The following OTOG variants were observed in gnomAD, a reference collection of about 807,000 sequenced individuals.
The protein encoded by OTOG is otogelin.
OTOG carries 296 observed loss-of-function variants against 313.8 expected under a neutral mutation model. The ratio of observed to expected loss-of-function variants is 0.94; its 90% CI spans 0.86 to 1.04. The LOEUF is 1.04. Ranked by LOEUF, OTOG falls within the 50% of genes least tolerant of loss-of-function variation. OTOG has a pLI of 0.00. For missense variants in OTOG, 3,948 were observed against 3,840.1 expected (o/e 1.03, Z -0.74); for synonymous variants, 1,533 against 1,554.9 (o/e 0.99, Z 0.33).
rs1450284027 is a variant in OTOG, at chr11:17,640,794, T to C, written c.7985T>C (p.Val2662Ala). 6.5e-7 allele frequency: 1 copy of C among 1,550,300 alleles called. No homozygotes were observed. The highest frequency in any genetic ancestry group is 8.7e-7 in the Non-Finnish European group (1 of 1,146,992). Reference sequence around the variant, plus strand: ...GAGTTCATGCACAGCGTGGAGAATGTGTGTGGCTGCGCCAAGTACGAGTGT... The same window carrying C: ...GAGTTCATGCACAGCGTGGAGAATGCGTGTGGCTGCGCCAAGTACGAGTGT... ...DEEFMHSVEN[V>A]CGCAKYECVK... Residue 2662 changes from valine to alanine, a missense_variant, in exon 50 of 56, where the codon GTG becomes GCG. Coordinates refer to ENST00000399397, the MANE Select transcript of OTOG (RefSeq NM_001292063.2).
intron 17 of OTOG, 67 bp from the exon 18 acceptor site, chr11:17,572,013 C>T (rs1340801122): frequency 6.5e-7 from 1 of 1,541,988 alleles, no homozygotes; most frequent in African/African-American, 1.4e-5. Flanking sequence ...TTACCTGGAT[C>T]TATGCTATTT....
intron 17 of OTOG, among the ~76,000 whole-genome samples, chr11:17,571,573 C>T (rs1350483393): frequency 2.6e-5 from 4 of 152,174 alleles, no homozygotes; most frequent in Non-Finnish European, 4.4e-5. Context: ...AGGAATTGCC[C>T]ATGGAGAAAG....
chr11:17,595,237 A>G (rs1853063971), intron 28 of OTOG, among the ~76,000 whole-genome samples: 1 of 152,102 alleles, frequency 6.6e-6, no homozygotes, highest in Non-Finnish European at 1.5e-5. Context: ...CCCCCATTTT[A>G]GAGAAGCTCA....
Position 17,611,020 on chromosome 11 carries a change from C to T in OTOG, c.5720C>T (p.Thr1907Ile), listed in dbSNP as rs2134092151. The T allele has an allele frequency of 6.4e-7, 1 of 1,550,582 alleles. No homozygotes were observed. ...TCTGTTGTCCCACGAAAGAGCACCA[C>T]AGGGAAGGTGGCCATCCTATCCAAG... Reference protein sequence around the residue: ...MVSVVPRKSTTGKVAILSKQV... With the variant: ...MVSVVPRKSTIGKVAILSKQV... The change falls in exon 36 of 56, where the codon ACA becomes ATA. Residue 1907 changes from threonine (T) to isoleucine (I), a missense_variant. Transcript: ENST00000399397.
intron 15 of OTOG, among the ~76,000 whole-genome samples, chr11:17,568,215 T>A (rs1852330982): frequency 6.6e-6 from 1 of 152,204 alleles, no homozygotes; most frequent in African/African-American, 2.4e-5. Context: ...CCAGTAACAC[T>A]TTCTTAATCA....
chr11:17,643,688 T>C (rs964388630), intron 54 of OTOG, among the ~76,000 whole-genome samples, 182 bp downstream of exon 54: 2 of 152,234 alleles, frequency 1.3e-5, no homozygotes, highest in Admixed American at 1.3e-4. Flanking sequence ...AATATGCAGA[T>C]GGCTGGAGGC....
chr11:17,573,380 C>A, intron 19 of OTOG, 90 bp downstream of exon 19: 10 of 1,334,578 alleles, frequency 7.5e-6, no homozygotes, highest in South Asian at 1.5e-5. Context: ...CACTGGGATG[C>A]CCTCCAGTCT....
chr11:17,615,469 T>C (rs939886313), intron 39 of OTOG, among the ~76,000 whole-genome samples: 1 of 152,238 alleles, frequency 6.6e-6, no homozygotes, highest in Non-Finnish European at 1.5e-5. Flanking sequence ...AGAAGTTTTA[T>C]AGTTTTAGGT....
rs1357485941 is a variant in OTOG at position 17,593,371 on chromosome 11, T to C, written c.3141+44T>C. The C allele has an allele frequency of 3.9e-6, 6 of 1,546,060 alleles. No individual in the cohort carries two copies. In the Admixed American group the frequency reaches 1.2e-4, roughly 30 times the overall value. ...GAAGGTTGTGTAGACAATTTACAGG[T>C]TACCAGGGTTGGGGCAGAAGAGGGC... On this transcript the variant is annotated intron_variant, in intron 26 of 55. Transcript: ENST00000399397.
intron 25 of OTOG, among the ~76,000 whole-genome samples, chr11:17,592,030 G>C (rs1852955603): frequency 6.6e-6 from 1 of 152,208 alleles, no homozygotes; most frequent in South Asian, 2.1e-4. Flanking sequence ...TCACACAGCA[G>C]TCAGTGGTAG....
Position 17,635,927 on chromosome 11 carries a change from C to T in OTOG, c.7795+216C>T, listed in dbSNP as rs11825102. ...GAGGGTGGGAGGTCCAGGCCTGTCC[C>T]CTCCATGGAGGCCCCCAAGGGCCAG... On this transcript the variant is annotated intron_variant, in intron 47 of 55. Transcript: ENST00000399397. Among the ~76,000 whole-genome samples, 4,316 of 152,234 alleles carry T rather than the reference C, an allele frequency of 0.028. 213 individuals carry two copies. The highest frequency in any genetic ancestry group is 0.099 in the African/African-American group (4,117 of 41,526).
At chr11:17,642,304 T>C in intron 53 of OTOG, 58 bp downstream of exon 53, 1 of 1,504,648 alleles carries the variant, frequency 6.6e-7, no homozygotes, top group East Asian at 2.5e-5. Context: ...GTCTCACTGG[T>C]GGTGGGGTGG....
At position 17,611,253 on chromosome 11, in the gene OTOG, C is replaced by T. The variant is rs1464764388; in HGVS notation, c.5953C>T (p.Gln1985Ter). ...AGACAGCATGCTGGTTCTGTTGCCT[C>T]AGCTGGCTGAGGCCCATGGAACCTC... is the stretch of plus-strand genomic sequence containing the variant. ...PQDSMLVLLP[Q>*]LAEAHGTSAG... Residue 1985 changes from glutamine to a stop codon, truncating the protein, a stop_gained, in exon 36 of 56, where the codon CAG becomes TAG. Coordinates refer to ENST00000399397, the MANE Select transcript of OTOG (RefSeq NM_001292063.2). LOFTEE classifies it high-confidence loss of function. 1 of 1,550,462 alleles carries T rather than the reference C, an allele frequency of 6.4e-7. No individual in the cohort carries two copies. The highest frequency in any genetic ancestry group is 8.7e-7 in the Non-Finnish European group (1 of 1,147,008).
At chr11:17,594,488 G>T (rs7938781) in intron 28 of OTOG, among the ~76,000 whole-genome samples, 1 of 152,126 alleles carries the variant, frequency 6.6e-6, no homozygotes, top group Non-Finnish European at 1.5e-5. Context: ...CACTAGGTCT[G>T]GCACAGAGAA....
Position 17,608,295 on chromosome 11 carries a change from G to A in OTOG, c.4157-1G>A. 6.6e-7 allele frequency: 1 copy of A among 1,522,940 alleles called. No individual in the cohort carries two copies. The highest frequency in any genetic ancestry group is 8.8e-7 in the Non-Finnish European group (1 of 1,133,854). 94.3% of individuals were successfully genotyped at this position (1,522,940 alleles called of 1,614,324 possible). ...AGTTGCTGCCCCATCTCACTTTCTA[G>A]ATGCCAAGCCCTCGGGGGCTGCCTA... On this transcript the variant is annotated splice_acceptor_variant, in intron 33 of 55. Coordinates refer to ENST00000399397, the MANE Select transcript of OTOG (RefSeq NM_001292063.2). LOFTEE classifies it high-confidence loss of function.
rs150490024 is a variant in OTOG at position 17,569,422 on chromosome 11, G to A, written c.1777+134G>A. ...TAGTACTGGGTAGATCAGGATAGGG[G>A]ACACTTTGGTTGCAAAAATGTGGAC... On this transcript the variant is annotated intron_variant, in intron 16 of 55. Transcript: ENST00000399397. 3.8e-4 allele frequency: 490 copies of A among 1,283,478 alleles called. 3 individuals carry two copies. In the African/African-American group the frequency reaches 7.0e-3, roughly 18 times the overall value. 79.5% of individuals were successfully genotyped at this position (1,283,478 alleles called of 1,614,324 possible).
At chr11:17,594,312 C>T (rs562520422) in intron 28 of OTOG, 146 bp downstream of exon 28, 1 of 1,105,692 alleles carries the variant, frequency 9.0e-7, no homozygotes, top group East Asian at 2.6e-5. Flanking sequence ...ATCCCTAGCC[C>T]TAGACTCTGT....
At chr11:17,613,811 G>T (rs1853658687) in intron 39 of OTOG, 110 bp downstream of exon 39, 2 of 840,864 alleles carry the variant, frequency 2.4e-6, no homozygotes, top group Non-Finnish European at 1.9e-6. Context: ...GGGCAGGGGT[G>T]GGGAGGGGAC....
At chr11:17,634,316 T>G in intron 44 of OTOG, 35 bp downstream of exon 44, 1 of 1,539,802 alleles carries the variant, frequency 6.5e-7, no homozygotes, top group Non-Finnish European at 8.8e-7. Flanking sequence ...GGACGTCAAC[T>G]GTAAAACAGT....
Sources: gnomAD v4.1 joint callset for allele counts (sites outside exome capture counted in the v4.1 genomes callset) on GRCh38, gnomAD v4.1.1 for gene constraint, MANE v1.5 for transcripts, NCBI Gene and HGNC (gene_info 2026-07-23, HGNC 2026-07-21) for gene names.